GALNTL6: variants seen among roughly 807,000 people sequenced by gnomAD.
GALNTL6 encodes polypeptide N-acetylgalactosaminyltransferase-like 6.
A neutral mutation model predicts 73.7 loss-of-function variants in GALNTL6; 46 were observed. That is an observed-to-expected ratio of 0.62 (90% CI 0.49 to 0.80). The LOEUF is 0.80. Ranked by LOEUF, GALNTL6 falls within the 30% of genes least tolerant of loss-of-function variation. The pLI, the probability that GALNTL6 is intolerant of heterozygous loss-of-function variation, is 0.00. For synonymous variants in GALNTL6, 259 were observed against 263.7 expected (o/e 0.98, Z 0.17); for missense variants, 604 against 755.0 (o/e 0.80, Z 2.34).
At chr4:172,566,154 A>G (rs1736547355) in intron 5 of GALNTL6, among the ~76,000 whole-genome samples, 2 of 152,198 alleles carry the variant, frequency 1.3e-5, no homozygotes, top group Admixed American at 6.5e-5. Context: ...AAAATCAACA[A>G]AGAGAGAGCA....
intron 12 of GALNTL6, among the ~76,000 whole-genome samples, chr4:173,034,560 G>A (rs1454033386): frequency 2.0e-5 from 3 of 152,134 alleles, no homozygotes; most frequent in Admixed American, 2.0e-4. Flanking sequence ...CCACCAGGGT[G>A]CATAGCTGCT....
chr4:171,975,181 T>C (rs1050329237), intron 2 of GALNTL6, among the ~76,000 whole-genome samples: 7 of 152,174 alleles, frequency 4.6e-5, no homozygotes, highest in Non-Finnish European at 1.0e-4. Flanking sequence ...TAAGACTGTA[T>C]TATAGGTATT....
intron 7 of GALNTL6, among the ~76,000 whole-genome samples, chr4:172,867,777 T>G (rs1438928115): frequency 1.3e-5 from 2 of 152,210 alleles, no homozygotes; most frequent in Admixed American, 1.3e-4. Context: ...ATTAATGGCT[T>G]TCTCTTTTTC....
intron 3 of GALNTL6, among the ~76,000 whole-genome samples, chr4:172,243,031 C>T (rs1398305138): frequency 1.3e-5 from 2 of 152,072 alleles, no homozygotes; most frequent in South Asian, 4.1e-4. Flanking sequence ...ATAAATCCAA[C>T]TTTATTCCAC....
intron 5 of GALNTL6, among the ~76,000 whole-genome samples, chr4:172,591,816 C>T (rs899872911): frequency 3.9e-5 from 6 of 152,022 alleles, no homozygotes; most frequent in South Asian, 2.1e-4. Flanking sequence ...TAAGAAAAGT[C>T]GTCAAAATTG....
intron 2 of GALNTL6, among the ~76,000 whole-genome samples, chr4:172,182,836 C>T (rs1004036571): frequency 1.3e-5 from 2 of 151,980 alleles, no homozygotes; most frequent in Non-Finnish European, 2.9e-5. Flanking sequence ...AAAATATACT[C>T]AATATTTTAT....
rs545524194 is a variant in GALNTL6 at position 172,509,431 on chromosome 4, G to A, written c.553+160742G>A. On this transcript the variant is annotated intron_variant, in intron 5 of 12. Transcript: ENST00000506823. ...GTTTACTCTGATGATTATTTCTTTT[G>A]CTGTGCAGAAGCTTTTGAGTTTTAA... Among the ~76,000 whole-genome samples, 10 of 55,144 alleles carry A rather than the reference G, an allele frequency of 1.8e-4. 3 individuals are homozygous for A. Among genetic ancestry groups the A allele is most frequent in the African/African-American group, 4.1e-4 (9 of 22,120 alleles). The allele number at this position is 55,144 out of a possible 152,430, so 36.2% of individuals were successfully genotyped here. A position where few individuals can be genotyped will look rare whatever the true frequency, so the allele number is the denominator to read the frequency against.
chr4:172,349,569 C>A (rs1247343810), intron 5 of GALNTL6, among the ~76,000 whole-genome samples: 1 of 151,994 alleles, frequency 6.6e-6, no homozygotes, highest in African/African-American at 2.4e-5. Context: ...TTCAAAAATT[C>A]TGCAAAAGAT....
intron 10 of GALNTL6, among the ~76,000 whole-genome samples, chr4:172,991,505 T>G (rs147664308): frequency 0.013 from 1,954 of 152,186 alleles, 41 homozygotes; most frequent in African/African-American, 0.045. Context: ...GTTCAAGCGA[T>G]TCTCCTAACT....
intron 5 of GALNTL6, among the ~76,000 whole-genome samples, chr4:172,628,671 A>G (rs1739264203): frequency 6.6e-6 from 1 of 152,082 alleles, no homozygotes; most frequent in Non-Finnish European, 1.5e-5. Context: ...GCGTATTGTC[A>G]GTGTCTCTCT....
At chr4:172,853,080 G>A (rs895557764) in intron 7 of GALNTL6, among the ~76,000 whole-genome samples, 1 of 152,216 alleles carries the variant, frequency 6.6e-6, no homozygotes, top group African/African-American at 2.4e-5. Flanking sequence ...CTGCAGGTCA[G>A]GAGTCTGAGC....
At chr4:171,981,453 G>A (rs937160325) in intron 2 of GALNTL6, among the ~76,000 whole-genome samples, 8 of 152,138 alleles carry the variant, frequency 5.3e-5, no homozygotes, top group African/African-American at 1.9e-4. Context: ...ACTGTTTTGT[G>A]GTTAAGATCT....
At chr4:172,852,208 G>C (rs17058968) in intron 7 of GALNTL6, among the ~76,000 whole-genome samples, 4,083 of 152,156 alleles carry the variant, frequency 0.027, 173 homozygotes, top group African/African-American at 0.093. Context: ...CATATTCGAA[G>C]TGTTTTTTCA....
chr4:172,876,277 C>G (rs1745190101), intron 7 of GALNTL6, among the ~76,000 whole-genome samples: 1 of 152,102 alleles, frequency 6.6e-6, no homozygotes, highest in Admixed American at 6.5e-5. Context: ...CAAAATAGCA[C>G]AAAATTTGTA....
intron 8 of GALNTL6, among the ~76,000 whole-genome samples, chr4:172,896,045 T>C (rs900841240): frequency 1.3e-5 from 2 of 152,260 alleles, no homozygotes; most frequent in African/African-American, 2.4e-5. Flanking sequence ...TTTAGGTTCG[T>C]TGACTTCCTC....
At position 172,994,675 on chromosome 4, in the gene GALNTL6, T is replaced by A. The variant is rs137993760; in HGVS notation, c.1372-14503T>A. On this transcript the variant is annotated intron_variant, in intron 10 of 12. Coordinates refer to ENST00000506823, the MANE Select transcript of GALNTL6 (RefSeq NM_001034845.3). Reference sequence around the variant, plus strand: ...AATAGATAACCCAGACCGTGAATTATTTTACCTGAAAATAAAGACAATTTG... The same window carrying A: ...AATAGATAACCCAGACCGTGAATTAATTTACCTGAAAATAAAGACAATTTG... 3.2e-3 allele frequency among the ~76,000 whole-genome samples: 489 copies of A among 152,300 alleles called. 1 individual carries two copies. Among genetic ancestry groups the A allele is most frequent in the African/African-American group, 0.011 (441 of 41,564 alleles).
At chr4:172,062,314 G>T (rs957788495) in intron 2 of GALNTL6, among the ~76,000 whole-genome samples, 8 of 152,006 alleles carry the variant, frequency 5.3e-5, no homozygotes, top group Non-Finnish European at 1.0e-4. Flanking sequence ...AATGTCACAC[G>T]GCCTAGAAGT....
intron 8 of GALNTL6, among the ~76,000 whole-genome samples, chr4:172,916,568 T>C (rs1333695620): frequency 6.6e-6 from 1 of 152,160 alleles, no homozygotes; most frequent in African/African-American, 2.4e-5. Flanking sequence ...ACAAAATCAA[T>C]GTGCAAAAAT....
intron 2 of GALNTL6, among the ~76,000 whole-genome samples, chr4:171,831,748 A>G (rs1734977581): frequency 6.6e-6 from 1 of 151,786 alleles, no homozygotes; most frequent in South Asian, 2.1e-4. Context: ...TCATTTACAG[A>G]TACAATTAAA....
Sources: gnomAD v4.1 joint callset for allele counts (sites outside exome capture counted in the v4.1 genomes callset) on GRCh38, gnomAD v4.1.1 for gene constraint, MANE v1.5 for transcripts, NCBI Gene and HGNC (gene_info 2026-07-23, HGNC 2026-07-21) for gene names.